The following SMYD3 variants were observed in gnomAD, a reference collection of about 807,000 sequenced individuals.
The protein encoded by SMYD3 is histone-lysine N-methyltransferase SMYD3.
Under a neutral mutation model 57.7 loss-of-function variants are expected in SMYD3, and 36 were observed. That is an observed-to-expected ratio of 0.62 (90% CI 0.48 to 0.82). SMYD3 has a LOEUF of 0.82. Ranked by LOEUF, SMYD3 falls within the 40% of genes least tolerant of loss-of-function variation. SMYD3 has a pLI of 0.00. For missense variants in SMYD3, 515 were observed against 538.8 expected (o/e 0.96, Z 0.44); for synonymous variants, 211 against 195.0 (o/e 1.08, Z -0.68).
At chr1:245,961,213 GCT>G (rs1429900833) in intron 5 of SMYD3, among the ~76,000 whole-genome samples, 1 of 152,152 alleles carries the variant, frequency 6.6e-6, no homozygotes, top group African/African-American at 2.4e-5. Context: ...AGCCGCACAT[GCT>G]CTCTCTTCTC....
rs533335894 is a variant in SMYD3 at position 246,034,877 on chromosome 1, C to T, written c.532-104940G>A. ...CCATCCCCTGCTGCCAGATCCCTGC[C>T]GCACAAATTCGCTTGTATGAAGCTC... On this transcript the variant is annotated intron_variant, in intron 5 of 11. Transcript: ENST00000490107. Among the ~76,000 whole-genome samples the T allele has an allele frequency of 1.1e-4, 17 of 152,240 alleles. 1 individual carries two copies. Among genetic ancestry groups the T allele is most frequent in the Admixed American group, 7.9e-4 (12 of 15,282 alleles).
At chr1:245,907,798 T>C (rs1054091114) in intron 8 of SMYD3, among the ~76,000 whole-genome samples, 1 of 152,116 alleles carries the variant, frequency 6.6e-6, no homozygotes, top group African/African-American at 2.4e-5. Flanking sequence ...AATCTAACTA[T>C]GTGCTGCCTA....
intron 8 of SMYD3, among the ~76,000 whole-genome samples, chr1:245,892,612 C>T (rs1323287546): frequency 6.6e-6 from 1 of 152,194 alleles, no homozygotes; most frequent in Non-Finnish European, 1.5e-5. Context: ...CTAAATCTAA[C>T]TCTGTACTCT....
rs576753022 is a variant in SMYD3 at position 246,275,496 on chromosome 1, G to A, written c.531+51705C>T. Among the ~76,000 whole-genome samples, 69 of 126,946 alleles carry A rather than the reference G, an allele frequency of 5.4e-4. 3 individuals carry two copies. Among genetic ancestry groups the A allele is most frequent in the African/African-American group, 1.8e-3 (67 of 36,962 alleles). The allele number at this position is 126,946 out of a possible 152,430, so 83.3% of individuals were successfully genotyped here. On this transcript the variant is annotated intron_variant, in intron 5 of 11. Transcript: ENST00000490107. Reference sequence around the variant, plus strand: ...TGGCAGGTTATTTAATGTCTCTAGTGGAGTCTGATGCCCATGTTTGAATAC... The same window carrying A: ...TGGCAGGTTATTTAATGTCTCTAGTAGAGTCTGATGCCCATGTTTGAATAC...
At chr1:246,262,175 G>C (rs1445106377) in intron 5 of SMYD3, among the ~76,000 whole-genome samples, 2 of 152,176 alleles carry the variant, frequency 1.3e-5, no homozygotes, top group East Asian at 3.9e-4. Context: ...ATATAGAAGA[G>C]TGTATGATAT....
At chr1:246,125,333 T>C (rs1195940379) in intron 5 of SMYD3, among the ~76,000 whole-genome samples, 1 of 152,176 alleles carries the variant, frequency 6.6e-6, no homozygotes, top group Middle Eastern at 3.2e-3. Flanking sequence ...CTGAAGAATA[T>C]GCACTGGCTC....
chr1:245,780,315 C>T (rs542819693), intron 10 of SMYD3, among the ~76,000 whole-genome samples: 17 of 152,174 alleles, frequency 1.1e-4, no homozygotes, highest in African/African-American at 3.1e-4. Flanking sequence ...TTGATATCTC[C>T]GTATGGTGGA....
chr1:246,503,247 C>T (rs1401343136), intron 1 of SMYD3, among the ~76,000 whole-genome samples: 1 of 152,226 alleles, frequency 6.6e-6, no homozygotes, highest in African/African-American at 2.4e-5. Context: ...AGTCATCCTC[C>T]TTCCTCCTGG....
At chr1:245,880,755 G>A (rs2148547279) in intron 8 of SMYD3, among the ~76,000 whole-genome samples, 1 of 152,316 alleles carries the variant, frequency 6.6e-6, no homozygotes, top group Admixed American at 6.5e-5. Context: ...AAATATTCAA[G>A]TACTTGAAGA....
intron 5 of SMYD3, among the ~76,000 whole-genome samples, chr1:246,107,861 A>T (rs1464049262): frequency 6.6e-6 from 1 of 152,268 alleles, no homozygotes; most frequent in Non-Finnish European, 1.5e-5. Context: ...TAAATCTGGA[A>T]AGGAATTACT....
chr1:245,918,647 T>C (rs1231490003), intron 7 of SMYD3, among the ~76,000 whole-genome samples: 1 of 152,210 alleles, frequency 6.6e-6, no homozygotes, highest in Non-Finnish European at 1.5e-5. Flanking sequence ...ATTTCCAAGC[T>C]CACTTTTTGA....
intron 5 of SMYD3, among the ~76,000 whole-genome samples, chr1:246,215,987 T>C (rs2063157811): frequency 1.3e-5 from 2 of 152,038 alleles, no homozygotes; most frequent in Non-Finnish European, 2.9e-5. Flanking sequence ...CACTCTGGAC[T>C]AATGTGAAAA....
chr1:246,329,170 T>C (rs201195447), intron 4 of SMYD3, among the ~76,000 whole-genome samples: 21,806 of 152,226 alleles, frequency 0.14, 1,857 homozygotes, highest in East Asian at 0.3. Context: ...TGTGTCTCTA[T>C]AGCAGCATGA....
chr1:245,894,359 G>A (rs77764325), intron 8 of SMYD3, among the ~76,000 whole-genome samples: 2,500 of 152,042 alleles, frequency 0.016, 54 homozygotes, highest in African/African-American at 0.047. Context: ...GCAGGACATG[G>A]GTGGGGACAA....
chr1:246,244,213 C>G (rs906142012), intron 5 of SMYD3, among the ~76,000 whole-genome samples: 1 of 152,022 alleles, frequency 6.6e-6, no homozygotes, highest in African/African-American at 2.4e-5. Flanking sequence ...CACTCATTTC[C>G]CACACCTAAA....
In SMYD3 at chr1:246,163,812, T is replaced by C. The variant is rs546896055; in HGVS notation, c.531+163389A>G. Among the ~76,000 whole-genome samples the C allele has an allele frequency of 2.6e-5, 4 of 152,214 alleles. No individual in the cohort carries two copies. In the South Asian group the frequency reaches 8.3e-4, roughly 32 times the overall value. On this transcript the variant is annotated intron_variant, in intron 5 of 11. Transcript: ENST00000490107. ...CCTGGATGCTATCAGCCCCACTGCA[T>C]ACAACTGAGTGTGCTCCCTGCAGTG...
chr1:246,080,217 C>A (rs569882738), intron 5 of SMYD3, among the ~76,000 whole-genome samples: 2 of 131,434 alleles, frequency 1.5e-5, no homozygotes, highest in South Asian at 2.1e-4. Context: ...CTGGGTCACA[C>A]GGCAGGAGGC....
At chr1:246,493,691 C>G (rs954374827) in intron 1 of SMYD3, among the ~76,000 whole-genome samples, 3 of 152,020 alleles carry the variant, frequency 2.0e-5, no homozygotes, top group African/African-American at 7.2e-5. Context: ...AGCACTCACC[C>G]TTCACCACAG....
intron 10 of SMYD3, among the ~76,000 whole-genome samples, chr1:245,764,862 G>A (rs35886719): frequency 0.13 from 20,153 of 151,868 alleles, 1,671 homozygotes; most frequent in Admixed American, 0.28. Context: ...ACACGACTCC[G>A]GCTATGGGCT....
Sources: gnomAD v4.1 joint callset for allele counts (sites outside exome capture counted in the v4.1 genomes callset) on GRCh38, gnomAD v4.1.1 for gene constraint, MANE v1.5 for transcripts, NCBI Gene and HGNC (gene_info 2026-07-23, HGNC 2026-07-21) for gene names.